The following SUCLG2 variants were observed in gnomAD, a reference collection of about 807,000 sequenced individuals.
SUCLG2 encodes the protein succinate-CoA ligase GDP-forming subunit beta, also known as succinate--CoA ligase [GDP-forming] subunit beta, mitochondrial.
A neutral mutation model predicts 47.9 loss-of-function variants in SUCLG2; 42 were observed. The observed-to-expected ratio is 0.88, with a 90% CI of 0.69 to 1.14. The LOEUF is 1.14. Among genes scored for constraint, SUCLG2 ranks in the 50% most tolerant of loss-of-function variants. SUCLG2 has a pLI of 0.00. For synonymous variants in SUCLG2, 195 were observed against 197.3 expected, an observed-to-expected ratio of 0.99 and a Z score of 0.10; for missense variants, 571 against 525.9, an observed-to-expected ratio of 1.09 and a Z score of -0.84.
intron 2 of SUCLG2, among the ~76,000 whole-genome samples, chr3:67,584,122 C>T (rs770437643): frequency 8.5e-5 from 13 of 152,182 alleles, no homozygotes; most frequent in Non-Finnish European, 1.5e-4. Context: ...CAGCATTAAT[C>T]GTGATAGCCA....
chr3:67,408,311 A>C (rs1702862037), intron 9 of SUCLG2, among the ~76,000 whole-genome samples: 1 of 151,998 alleles, frequency 6.6e-6, no homozygotes. Flanking sequence ...ATACCCTCCC[A>C]CTCTGCCCTT....
intron 2 of SUCLG2, 28 bp downstream of exon 2, chr3:67,609,427 G>A (rs1186175894): frequency 1.2e-6 from 2 of 1,602,330 alleles, no homozygotes; most frequent in Non-Finnish European, 1.7e-6. Flanking sequence ...TTGGGCAAGT[G>A]TATTTCACCC....
intron 2 of SUCLG2, among the ~76,000 whole-genome samples, chr3:67,546,659 G>C (rs973852054): frequency 1.3e-5 from 2 of 152,138 alleles, no homozygotes; most frequent in African/African-American, 4.8e-5. Context: ...AGCTGGAACC[G>C]GGGAGGTGGA....
intron 9 of SUCLG2, among the ~76,000 whole-genome samples, chr3:67,451,428 C>T (rs774862205): frequency 7.2e-5 from 11 of 152,178 alleles, no homozygotes; most frequent in Admixed American, 3.3e-4. Context: ...CTATTTCTCA[C>T]GTACAGTTGT....
intron 9 of SUCLG2, among the ~76,000 whole-genome samples, chr3:67,487,878 A>G (rs918805726): frequency 6.6e-6 from 1 of 152,136 alleles, no homozygotes; most frequent in Non-Finnish European, 1.5e-5. Flanking sequence ...AGTTATGAGA[A>G]CAAGGAGGTT....
At chr3:67,623,784 A>C (rs1022125158) in intron 1 of SUCLG2, among the ~76,000 whole-genome samples, 1 of 152,234 alleles carries the variant, frequency 6.6e-6, no homozygotes, top group Non-Finnish European at 1.5e-5. Context: ...GAGCTTGCAC[A>C]CTAAGCGGGT....
At chr3:67,418,254 G>C (rs1703078582) in intron 9 of SUCLG2, among the ~76,000 whole-genome samples, 1 of 152,190 alleles carries the variant, frequency 6.6e-6, no homozygotes, top group Non-Finnish European at 1.5e-5. Context: ...TACGTGGCAA[G>C]TGGTAAGTAC....
chr3:67,471,018 C>T (rs945327831), intron 9 of SUCLG2, among the ~76,000 whole-genome samples: 12 of 152,124 alleles, frequency 7.9e-5, no homozygotes, highest in African/African-American at 2.9e-4. Context: ...GACACTAGAG[C>T]AAGAACCCAC....
At chr3:67,367,133 A>G (rs1241016090) in intron 10 of SUCLG2, among the ~76,000 whole-genome samples, 1 of 152,216 alleles carries the variant, frequency 6.6e-6, no homozygotes, top group Non-Finnish European at 1.5e-5. Context: ...GTAACTAATT[A>G]TATTATTCCA....
In SUCLG2 at chr3:67,495,937, T is replaced by C; in HGVS notation, c.923A>G (p.Asn308Ser). Residue 308 changes from asparagine (N) to serine (S), a missense_variant, in exon 9 of 11, where the codon AAT (asparagine) becomes AGT (serine). Transcript: ENST00000307227. ...AGTAGCCATGGCGAGCCCAGCACCA[T>C]TCACTGTGAAATGCAAATGGGACAC... is the stretch of plus-strand genomic sequence containing the variant. The part of the protein sequence containing the change: ...GLDGNIACFV[N>S]GAGLAMATCD... 5 of 1,613,886 alleles carry C rather than the reference T, an allele frequency of 3.1e-6. No individual in the cohort carries two copies. Among genetic ancestry groups the C allele is most frequent in the Non-Finnish European group, 4.2e-6 (5 of 1,179,882 alleles).
chr3:67,508,923 A>C lies in SUCLG2; in HGVS notation c.661-20T>G. ...TGCAGCCTAAATGTGATCAAGTGAAATAGAATTACACCAAAGCAGTAAAAG... is the reference window on the plus strand; with the variant it reads ...TGCAGCCTAAATGTGATCAAGTGAACTAGAATTACACCAAAGCAGTAAAAG... On this transcript the variant is annotated intron_variant, in intron 6 of 10. Coordinates refer to ENST00000307227, the MANE Select transcript of SUCLG2 (RefSeq NM_003848.4). 6.4e-7 allele frequency: 1 copy of C among 1,552,638 alleles called. No individual in the cohort carries two copies. Among genetic ancestry groups the C allele is most frequent in the South Asian group, 1.2e-5 (1 of 82,566 alleles).
chr3:67,619,534 C>G (rs996017908), intron 1 of SUCLG2, among the ~76,000 whole-genome samples: 1 of 152,114 alleles, frequency 6.6e-6, no homozygotes, highest in African/African-American at 2.4e-5. Flanking sequence ...GATTTCACTG[C>G]AGGAAGGTAC....
intron 10 of SUCLG2, among the ~76,000 whole-genome samples, chr3:67,394,000 T>A (rs1009783942): frequency 2.6e-5 from 4 of 152,020 alleles, no homozygotes; most frequent in African/African-American, 7.3e-5. Flanking sequence ...AGAAAGGACA[T>A]CCACACCAAA....
intron 3 of SUCLG2, 88 bp from the exon 4 acceptor site, chr3:67,528,310 T>C (rs1360868633): frequency 8.5e-7 from 1 of 1,181,912 alleles, no homozygotes; most frequent in Non-Finnish European, 1.2e-6. Flanking sequence ...ATGTCTACAC[T>C]GCAAAGGGTT....
chr3:67,526,249 C>T (rs1469506045), intron 4 of SUCLG2, among the ~76,000 whole-genome samples: 2 of 152,072 alleles, frequency 1.3e-5, no homozygotes, highest in East Asian at 1.9e-4. Flanking sequence ...TGTCTTGGGC[C>T]GCACATAAAA....
At chr3:67,544,946 T>C (rs964553154) in intron 2 of SUCLG2, among the ~76,000 whole-genome samples, 11 of 152,218 alleles carry the variant, frequency 7.2e-5, no homozygotes, top group Admixed American at 3.3e-4. Flanking sequence ...TGATCATCTT[T>C]GTTAAATTTA....
At chr3:67,413,729 A>G (rs527970761) in intron 9 of SUCLG2, among the ~76,000 whole-genome samples, 81 of 152,220 alleles carry the variant, frequency 5.3e-4, no homozygotes, top group Non-Finnish European at 9.7e-4. Flanking sequence ...CATCCAGTAA[A>G]GACAGATACA....
intron 9 of SUCLG2, among the ~76,000 whole-genome samples, chr3:67,479,942 G>C (rs186451100): frequency 4.4e-4 from 67 of 152,250 alleles, no homozygotes; most frequent in African/African-American, 1.4e-3. Context: ...ATTCTCATCT[G>C]GGTAACAAAG....
chr3:67,446,850 T>A (rs1042481907), intron 9 of SUCLG2, among the ~76,000 whole-genome samples: 11 of 152,164 alleles, frequency 7.2e-5, no homozygotes, highest in Non-Finnish European at 1.6e-4. Context: ...TAATCACTAT[T>A]CACTTTATTT....
Sources: gnomAD v4.1 joint callset for allele counts (sites outside exome capture counted in the v4.1 genomes callset) on GRCh38, gnomAD v4.1.1 for gene constraint, MANE v1.5 for transcripts, NCBI Gene and HGNC (gene_info 2026-07-23, HGNC 2026-07-21) for gene names.